Variants in SHISA9 observed in about 807,000 individuals in gnomAD.
The protein encoded by SHISA9 is shisa family member 9, also known as protein shisa-9.
SHISA9 carries 13 observed loss-of-function variants against 38.0 expected under a neutral mutation model. The ratio of observed to expected loss-of-function variants is 0.34; its 90% CI spans 0.22 to 0.54. SHISA9 has a LOEUF of 0.54. SHISA9 is among the 20% of genes least tolerant of loss of function. The pLI is 0.91. For synonymous variants in SHISA9, 275 were observed against 242.0 expected (o/e 1.14, Z -1.27); for missense variants, 538 against 575.8 (o/e 0.93, Z 0.67).
At chr16:13,293,013 A>G in the SHISA9 span, among the ~76,000 whole-genome samples, 21 of 152,196 alleles carry the variant, frequency 1.4e-4, no homozygotes, top group African/African-American at 4.6e-4. Flanking sequence ...AACAAGATGA[A>G]GCAAACAAAA....
At chr16:13,260,439 G>A in the SHISA9 span, among the ~76,000 whole-genome samples, 6 of 152,238 alleles carry the variant, frequency 3.9e-5, no homozygotes, top group South Asian at 1.2e-3. Flanking sequence ...TTGCTGCTTA[G>A]AAATTTCTTC....
At chr16:13,142,679 G>A (rs1436388494) in intron 2 of SHISA9, among the ~76,000 whole-genome samples, 2 of 152,010 alleles carry the variant, frequency 1.3e-5, no homozygotes, top group Non-Finnish European at 2.9e-5. Flanking sequence ...CTCCAAGTTC[G>A]TTACTTTATT....
intron 2 of SHISA9, among the ~76,000 whole-genome samples, chr16:13,065,535 T>C (rs1393565500): frequency 6.6e-6 from 1 of 152,238 alleles, no homozygotes; most frequent in East Asian, 1.9e-4. Context: ...ATGATAACTT[T>C]AGGCACCATC....
chr16:13,310,172 G>A, the SHISA9 span, among the ~76,000 whole-genome samples: 1 of 152,220 alleles, frequency 6.6e-6, no homozygotes, highest in Non-Finnish European at 1.5e-5. Context: ...ACAGGCGTGA[G>A]CCACTGCTCC....
chr16:13,388,578 C>T, the SHISA9 span, among the ~76,000 whole-genome samples: 1 of 152,154 alleles, frequency 6.6e-6, no homozygotes, highest in African/African-American at 2.4e-5. Flanking sequence ...GCTGGGATTA[C>T]AGACATGAGC....
the SHISA9 span, among the ~76,000 whole-genome samples, chr16:13,365,454 CTTTTTTTTTTT>C: frequency 8.9e-6 from 1 of 112,522 alleles, no homozygotes; most frequent in Admixed American, 1.0e-4. Context: ...GAGTATACCT[CTTTTTTTTTTT>C]TTTTTTTTTG....
At chr16:12,918,313 G>A (rs898960230) in intron 2 of SHISA9, among the ~76,000 whole-genome samples, 3 of 152,156 alleles carry the variant, frequency 2.0e-5, no homozygotes, top group Admixed American at 1.3e-4. Context: ...GAACCTAGTC[G>A]TGTGCTTCAG....
chr16:13,168,078 C>T (rs1392242715), intron 2 of SHISA9, among the ~76,000 whole-genome samples: 1 of 152,170 alleles, frequency 6.6e-6, no homozygotes, highest in Non-Finnish European at 1.5e-5. Flanking sequence ...GGGACTGCTC[C>T]TCTCAGGATT....
intron 2 of SHISA9, among the ~76,000 whole-genome samples, chr16:13,104,699 G>GGAGGTGAA (rs145988946): frequency 0.021 from 3,191 of 152,156 alleles, 123 homozygotes; most frequent in African/African-American, 0.073. Flanking sequence ...GGGTGGGGAT[G>GGAGGTGAA]GAGGTGAAGA....
At chr16:13,439,167 T>TTG in the SHISA9 span, among the ~76,000 whole-genome samples, 4 of 152,130 alleles carry the variant, frequency 2.6e-5, no homozygotes, top group Non-Finnish European at 5.9e-5. Context: ...GGACCCTATG[T>TTG]CTCCTCTTTT....
chr16:12,942,157 GTTC>G (rs2071620166), intron 2 of SHISA9, among the ~76,000 whole-genome samples: 1 of 152,224 alleles, frequency 6.6e-6, no homozygotes, highest in Non-Finnish European at 1.5e-5. Context: ...GTGGAGGACA[GTTC>G]TTGACATCTG....
chr16:13,129,361 T>C (rs1360357929), intron 2 of SHISA9, among the ~76,000 whole-genome samples: 1 of 152,206 alleles, frequency 6.6e-6, no homozygotes, highest in Non-Finnish European at 1.5e-5. Context: ...CTGGCTCCAC[T>C]ATTCTCCTAA....
At chr16:13,389,957 A>C in the SHISA9 span, among the ~76,000 whole-genome samples, 1 of 152,080 alleles carries the variant, frequency 6.6e-6, no homozygotes, top group Non-Finnish European at 1.5e-5. Context: ...TTTTCCACTT[A>C]CTTCTAAGGA....
chr16:13,020,576 C>T (rs2141865424), intron 2 of SHISA9, among the ~76,000 whole-genome samples: 1 of 152,236 alleles, frequency 6.6e-6, no homozygotes, highest in East Asian at 1.9e-4. Flanking sequence ...CCTTAAAGGT[C>T]CCAACTCCAA....
chr16:13,290,664 C>T, the SHISA9 span, among the ~76,000 whole-genome samples: 1 of 152,098 alleles, frequency 6.6e-6, no homozygotes, highest in Non-Finnish European at 1.5e-5. Flanking sequence ...TGAAACACAA[C>T]CCCCTGCCTC....
the SHISA9 span, among the ~76,000 whole-genome samples, chr16:13,378,989 T>C: frequency 1.2e-4 from 19 of 152,322 alleles, no homozygotes; most frequent in African/African-American, 4.6e-4. Context: ...AGAAAATAGA[T>C]GAATGGGTGA....
intron 3 of SHISA9, among the ~76,000 whole-genome samples, chr16:13,209,905 C>A (rs745305841): frequency 2.0e-5 from 3 of 152,160 alleles, no homozygotes; most frequent in Non-Finnish European, 4.4e-5. Context: ...TCGAGACCAT[C>A]CTGGTTAACC....
intron 1 of SHISA9, chr16:12,908,771 C>T (rs1010817584): frequency 6.1e-5 from 85 of 1,391,880 alleles, no homozygotes; most frequent in African/African-American, 7.3e-5. Flanking sequence ...CAGGCCCAGA[C>T]GTCTTGGTGG....
the SHISA9 span, among the ~76,000 whole-genome samples, chr16:13,294,070 G>A: frequency 1.3e-5 from 2 of 152,276 alleles, no homozygotes; most frequent in South Asian, 4.1e-4. Context: ...TTATTGCAGA[G>A]CTTCTGGTCA....
Sources: gnomAD v4.1 joint callset for allele counts (sites outside exome capture counted in the v4.1 genomes callset) on GRCh38, gnomAD v4.1.1 for gene constraint, MANE v1.5 for transcripts, NCBI Gene and HGNC (gene_info 2026-07-23, HGNC 2026-07-21) for gene names.